Variants in LPA observed in about 807,000 individuals in gnomAD.
The protein encoded by LPA is lipoprotein(a), also known as apolipoprotein(a).
A neutral mutation model predicts 197.9 loss-of-function variants in LPA; 199 were observed. The observed-to-expected ratio is 1.01, with a 90% CI of 0.90 to 1.13. The LOEUF (loss-of-function observed/expected upper bound fraction) is 1.13, where lower values mean the gene tolerates loss of function less well. LPA is among the 50% of genes most tolerant of loss of function. The pLI is 0.00. For missense variants in LPA, 1,853 were observed against 1,785.8 expected (o/e 1.04, Z -0.68); for synonymous variants, 715 against 639.5 (o/e 1.12, Z -1.78).
At chr6:160,540,523 A>T (rs1039489803) in intron 35 of LPA, among the ~76,000 whole-genome samples, 2 of 152,180 alleles carry the variant, frequency 1.3e-5, no homozygotes, top group African/African-American at 4.8e-5. Flanking sequence ...CATGGTGATC[A>T]GTGAGCTCTC....
chr6:160,551,624 A>G (rs998887654), intron 30 of LPA, among the ~76,000 whole-genome samples: 1 of 152,132 alleles, frequency 6.6e-6, no homozygotes, highest in African/African-American at 2.4e-5. Flanking sequence ...GGTTGTGAAG[A>G]TTTTATATTT....
At chr6:160,602,518 A>G (rs1328816643) in intron 18 of LPA, among the ~76,000 whole-genome samples, 2 of 152,208 alleles carry the variant, frequency 1.3e-5, no homozygotes, top group African/African-American at 4.8e-5. Flanking sequence ...ATTTAAAAAG[A>G]TATAGAAATT....
chr6:160,535,700 G>A (rs1777884811), intron 37 of LPA, among the ~76,000 whole-genome samples: 1 of 151,394 alleles, frequency 6.6e-6, no homozygotes, highest in African/African-American at 2.4e-5. Flanking sequence ...GATGTTGATG[G>A]GGATGATGGT....
intron 17 of LPA, 58 bp downstream of exon 17, chr6:160,606,419 T>C (rs1487204508): frequency 6.3e-7 from 1 of 1,595,048 alleles, no homozygotes; most frequent in African/African-American, 1.3e-5. Flanking sequence ...AGTGGGAATT[T>C]CCATGGCTTT....
At chr6:160,569,629 A>G (rs1778526459) in intron 28 of LPA, among the ~76,000 whole-genome samples, 1 of 152,202 alleles carries the variant, frequency 6.6e-6, no homozygotes, top group Non-Finnish European at 1.5e-5. Flanking sequence ...AAAATTGACC[A>G]ATGGGATCTA....
At chr6:160,603,106 T>C (rs1309454072) in intron 18 of LPA, among the ~76,000 whole-genome samples, 2 of 151,722 alleles carry the variant, frequency 1.3e-5, no homozygotes, top group Admixed American at 1.3e-4. Flanking sequence ...TTGCTTCCAG[T>C]ATTTGTTCCT....
At chr6:160,584,568 G>T (rs146093140) in intron 26 of LPA, among the ~76,000 whole-genome samples, 2,048 of 151,992 alleles carry the variant, frequency 0.013, 42 homozygotes, top group African/African-American at 0.048. Context: ...CTGACCTCTG[G>T]TGATCTGCCC....
At chr6:160,568,895 G>T (rs1778511730) in intron 28 of LPA, among the ~76,000 whole-genome samples, 2 of 152,234 alleles carry the variant, frequency 1.3e-5, no homozygotes, top group South Asian at 4.1e-4. Flanking sequence ...GCTTCAAAGA[G>T]AATAAAATAC....
At chr6:160,604,257 C>T (rs1159740480) in intron 18 of LPA, among the ~76,000 whole-genome samples, 1 of 152,190 alleles carries the variant, frequency 6.6e-6, no homozygotes, top group Non-Finnish European at 1.5e-5. Flanking sequence ...CATCACCTTG[C>T]TCTTCAGTGC....
Position 160,557,947 on chromosome 6 carries a change from T to C in LPA, c.4632-376A>G, listed in dbSNP as rs934735052. Among the ~76,000 whole-genome samples, 5 of 149,660 alleles carry C rather than the reference T, an allele frequency of 3.3e-5. No homozygotes were observed. The Admixed American group carries it at 3.4e-4, about 10-fold the overall frequency. On this transcript the variant is annotated intron_variant, in intron 28 of 38. Transcript: ENST00000316300. The stretch of plus-strand genomic sequence containing the variant: ...ATTTTTTTTTTTTTTTGTGACGGAG[T>C]CTCGCTCTGTCGCCCAGACTGGAGT...
chr6:160,606,697 A>G, intron 16 of LPA, 39 bp from the exon 17 acceptor site: 2 of 1,611,042 alleles, frequency 1.2e-6, no homozygotes, highest in Non-Finnish European at 1.7e-6. Context: ...AAGAGGTGGG[A>G]CAATATGCAG....
chr6:160,576,383 T>TACAC (rs1562327951), intron 28 of LPA, among the ~76,000 whole-genome samples: 1 of 60,228 alleles, frequency 1.7e-5, no homozygotes, highest in East Asian at 6.2e-4. Flanking sequence ...TATATATATA[T>TACAC]ATATATGTAT....
intron 27 of LPA, among the ~76,000 whole-genome samples, chr6:160,578,187 T>A (rs1778720600): frequency 6.6e-6 from 1 of 152,200 alleles, no homozygotes; most frequent in East Asian, 1.9e-4. Context: ...AAAGGCTTAT[T>A]GGCTTGGAAA....
intron 28 of LPA, among the ~76,000 whole-genome samples, chr6:160,564,782 G>A (rs1473054823): frequency 3.3e-5 from 5 of 152,206 alleles, no homozygotes; most frequent in South Asian, 4.2e-4. Context: ...CCGGAAAATC[G>A]GGACACTCCC....
chr6:160,578,479 G>T, intron 27 of LPA, 44 bp downstream of exon 27: 1 of 1,610,534 alleles, frequency 6.2e-7, no homozygotes. Context: ...ATTTTCCATG[G>T]TTTTTCATCC....
chr6:160,609,336 A>G (rs1779430100), intron 16 of LPA, among the ~76,000 whole-genome samples: 1 of 152,074 alleles, frequency 6.6e-6, no homozygotes. Context: ...GTTCCTCATT[A>G]TCATTTTAAT....
At chr6:160,601,136 G>A (rs1381392872) in intron 18 of LPA, 38 bp from the exon 19 acceptor site, 2 of 1,593,418 alleles carry the variant, frequency 1.3e-6, no homozygotes, top group South Asian at 2.2e-5. Context: ...CAAAAAATGG[G>A]TACATATGCA....
chr6:160,647,381 T>C (rs1024830119), intron 2 of LPA, among the ~76,000 whole-genome samples: 3 of 152,176 alleles, frequency 2.0e-5, no homozygotes, highest in Non-Finnish European at 2.9e-5. Context: ...CTCACATTCA[T>C]GACCTGTGGC....
intron 18 of LPA, 61 bp downstream of exon 18, chr6:160,604,985 C>A: frequency 6.2e-7 from 1 of 1,607,014 alleles, no homozygotes; most frequent in South Asian, 1.1e-5. Flanking sequence ...TGAAGCATGA[C>A]TCTACTAACA....
Sources: gnomAD v4.1 joint callset for allele counts (sites outside exome capture counted in the v4.1 genomes callset) on GRCh38, gnomAD v4.1.1 for gene constraint, MANE v1.5 for transcripts, NCBI Gene and HGNC (gene_info 2026-07-23, HGNC 2026-07-21) for gene names.